The following FGF14 variants were observed in gnomAD, a reference collection of about 807,000 sequenced individuals.
The protein encoded by FGF14 is fibroblast growth factor 14, also known as fibroblast growth factor homologous factor 4.
A neutral mutation model predicts 25.5 loss-of-function variants in FGF14; 5 were observed. The observed-to-expected ratio is 0.20, with a 90% CI of 0.10 to 0.41. The LOEUF (loss-of-function observed/expected upper bound fraction) is 0.41. Among genes scored for constraint, FGF14 ranks in the 10% least tolerant of loss-of-function variants. The pLI is 1.00. For missense variants in FGF14, 222 were observed against 320.1 expected (o/e 0.69, Z 2.34); for synonymous variants, 138 against 118.3 (o/e 1.17, Z -1.08).
chr13:102,133,537 AGAG>A (rs2046289530), intron 1 of FGF14, among the ~76,000 whole-genome samples: 1 of 152,258 alleles, frequency 6.6e-6, no homozygotes, highest in South Asian at 2.1e-4. Flanking sequence ...ATGTAAAGTA[AGAG>A]ACTTATATAG....
intron 1 of FGF14, among the ~76,000 whole-genome samples, chr13:101,940,758 ACAGTG>A (rs2035396773): frequency 1.3e-5 from 2 of 152,178 alleles, no homozygotes; most frequent in African/African-American, 4.8e-5. Flanking sequence ...TTCCTCCTCT[ACAGTG>A]TAAATTCCAT....
intron 1 of FGF14, among the ~76,000 whole-genome samples, chr13:102,355,517 C>T (rs1026479227): frequency 2.0e-5 from 3 of 150,502 alleles, no homozygotes; most frequent in African/African-American, 7.4e-5. Context: ...GCAGCTTTGA[C>T]ACAGTAGGAA....
intron 1 of FGF14, among the ~76,000 whole-genome samples, chr13:102,100,670 A>G (rs1237218368): frequency 1.3e-5 from 2 of 152,252 alleles, no homozygotes; most frequent in East Asian, 3.8e-4. Context: ...TGTTGAGAGC[A>G]AGCTCATTTG....
At chr13:102,160,264 C>T (rs1449528725) in intron 1 of FGF14, among the ~76,000 whole-genome samples, 1 of 152,160 alleles carries the variant, frequency 6.6e-6, no homozygotes, top group Non-Finnish European at 1.5e-5. Flanking sequence ...CCTCCTGTGG[C>T]CCATCCAACT....
At chr13:102,370,140 T>C (rs998908934) in intron 1 of FGF14, among the ~76,000 whole-genome samples, 3 of 151,362 alleles carry the variant, frequency 2.0e-5, no homozygotes, top group African/African-American at 4.9e-5. Context: ...GACAGGCATA[T>C]GCCACCATGC....
upstream of FGF14, among the ~76,000 whole-genome samples, chr13:101,920,630 GT>G (rs1052905281): frequency 6.6e-6 from 1 of 152,022 alleles, no homozygotes; most frequent in Non-Finnish European, 1.5e-5. Flanking sequence ...CAGTTTCCAT[GT>G]TTTTTCAATA....
chr13:102,140,068 AGTCATCCGT>A (rs2046584194), intron 1 of FGF14, among the ~76,000 whole-genome samples: 1 of 132,284 alleles, frequency 7.6e-6, no homozygotes. Context: ...TACAGCAGTA[AGTCATCCGT>A]GTTTGGTGCT....
At chr13:102,080,468 G>A (rs538352688) in intron 1 of FGF14, among the ~76,000 whole-genome samples, 2 of 152,194 alleles carry the variant, frequency 1.3e-5, no homozygotes, top group African/African-American at 2.4e-5. Context: ...CTCCAAATAC[G>A]CTTTCTCACC....
chr13:102,284,948 CCTCTTT>C (rs1411546648), intron 1 of FGF14, among the ~76,000 whole-genome samples: 1 of 151,750 alleles, frequency 6.6e-6, no homozygotes, highest in Non-Finnish European at 1.5e-5. Flanking sequence ...TCTCTCCCTC[CCTCTTT>C]CTCTTTCTCA....
At chr13:102,020,179 AG>A in intron 1 of FGF14, among the ~76,000 whole-genome samples, 1 of 152,056 alleles carries the variant, frequency 6.6e-6, no homozygotes, top group Non-Finnish European at 1.5e-5. Context: ...TATTTGAGGG[AG>A]GGACATGAGA....
At chr13:102,368,814 G>T (rs1283136540) in intron 1 of FGF14, among the ~76,000 whole-genome samples, 1 of 152,084 alleles carries the variant, frequency 6.6e-6, no homozygotes, top group Non-Finnish European at 1.5e-5. Context: ...CAGGTCTTTT[G>T]TCCCATGAAA....
chr13:102,300,922 C>A (rs1253709220), intron 1 of FGF14, among the ~76,000 whole-genome samples: 1 of 79,674 alleles, frequency 1.3e-5, no homozygotes, highest in East Asian at 4.4e-4. Context: ...TGCACACAGA[C>A]ACACACACAC....
chr13:101,768,465 C>G (rs568383695), intron 3 of FGF14, among the ~76,000 whole-genome samples: 1 of 152,116 alleles, frequency 6.6e-6, no homozygotes, highest in Admixed American at 6.6e-5. Context: ...TTTTGACACA[C>G]TGATACTAAA....
At chr13:101,735,670 GAA>G (rs548510485) in intron 3 of FGF14, among the ~76,000 whole-genome samples, 2 of 127,876 alleles carry the variant, frequency 1.6e-5, no homozygotes, top group Non-Finnish European at 1.7e-5. Flanking sequence ...ATCCCCATAG[GAA>G]AAAAAAAAAA....
chr13:101,786,172 T>C (rs992709647), intron 3 of FGF14, among the ~76,000 whole-genome samples: 1 of 152,152 alleles, frequency 6.6e-6, no homozygotes, highest in East Asian at 1.9e-4. Context: ...AGACCACACC[T>C]TCAACCTCAC....
At chr13:102,257,509 G>A (rs920075530) in intron 1 of FGF14, among the ~76,000 whole-genome samples, 3 of 151,168 alleles carry the variant, frequency 2.0e-5, no homozygotes, top group African/African-American at 4.9e-5. Context: ...ACATCACAAC[G>A]CCCAGCTAAT....
chr13:101,866,618 T>C (rs1466693934), intron 3 of FGF14, among the ~76,000 whole-genome samples: 1 of 152,172 alleles, frequency 6.6e-6, no homozygotes, highest in East Asian at 1.9e-4. Context: ...AGGATAATAA[T>C]TGCTATATTG....
At chr13:102,278,544 G>T (rs888441675) in intron 1 of FGF14, among the ~76,000 whole-genome samples, 3 of 151,848 alleles carry the variant, frequency 2.0e-5, no homozygotes, top group Admixed American at 6.6e-5. Context: ...AAATCAAGTT[G>T]CTCTAAAACT....
chr13:102,114,196 G>C (rs1027595536), intron 1 of FGF14, among the ~76,000 whole-genome samples: 1 of 152,182 alleles, frequency 6.6e-6, no homozygotes, highest in African/African-American at 2.4e-5. Context: ...TATACCTATT[G>C]ATTACTGTAT....
Sources: allele counts gnomAD v4.1 joint callset (sites outside exome capture counted in the v4.1 genomes callset), GRCh38; gene constraint gnomAD v4.1.1; transcripts MANE v1.5; gene names NCBI Gene and HGNC (gene_info 2026-07-23, HGNC 2026-07-21).